NDUFA13: variants seen among roughly 807,000 people sequenced by gnomAD.
The protein encoded by NDUFA13 is NADH dehydrogenase [ubiquinone] 1 alpha subcomplex subunit 13.
NDUFA13 carries 16 observed loss-of-function variants against 17.0 expected under a neutral mutation model. The observed-to-expected ratio is 0.94, with a 90% CI of 0.64 to 1.43. The LOEUF (loss-of-function observed/expected upper bound fraction) is 1.43. NDUFA13 is among the 40% of genes most tolerant of loss of function. The pLI, the probability that NDUFA13 is intolerant of heterozygous loss-of-function variation, is 0.00. For synonymous variants in NDUFA13, 87 were observed against 78.4 expected, an observed-to-expected ratio of 1.11 and a Z score of -0.58; for missense variants, 228 against 206.7, an observed-to-expected ratio of 1.10 and a Z score of -0.63.
In NDUFA13 at chr19:19,527,752, G is replaced by A. The variant is rs1218074377; in HGVS notation, c.297G>A (p.Lys99=). Residue 99 remains lysine, a synonymous_variant, in exon 4 of 5, where the codon AAG becomes AAA. Transcript: ENST00000507754. ...ENLEEEAIIM[K]DVPDWKVGES... Reference sequence around the variant, plus strand: ...TGGAGGAGGAGGCCATCATCATGAAGGACGTGCCCGACTGGAAGGTGGGTC... The same window carrying A: ...TGGAGGAGGAGGCCATCATCATGAAAGACGTGCCCGACTGGAAGGTGGGTC... 6.4e-7 allele frequency: 1 copy of A among 1,552,948 alleles called. No individual in the cohort carries two copies. Among genetic ancestry groups the A allele is most frequent in the Admixed American group, 2.0e-5 (1 of 51,068 alleles).
At chr19:19,525,682 TG>T (rs1448710548) in intron 1 of NDUFA13, among the ~76,000 whole-genome samples, 1 of 152,140 alleles carries the variant, frequency 6.6e-6, no homozygotes, top group Non-Finnish European at 1.5e-5. Flanking sequence ...ATATTCATGA[TG>T]GCCTAGGTCC....
At chr19:19,524,772 C>A (rs1160676379) in intron 1 of NDUFA13, among the ~76,000 whole-genome samples, 2 of 151,978 alleles carry the variant, frequency 1.3e-5, no homozygotes, top group African/African-American at 4.8e-5. Flanking sequence ...TGCCACTGCA[C>A]CCCAGCCAGG....
chr19:19,521,995 C>CA (rs35725238), intron 1 of NDUFA13, among the ~76,000 whole-genome samples: 9 of 151,904 alleles, frequency 5.9e-5, no homozygotes. Context: ...ATTTACAGCA[C>CA]AAAAGTTTTT....
chr19:19,525,761 C>T (rs2061096712), intron 1 of NDUFA13, among the ~76,000 whole-genome samples: 1 of 148,798 alleles, frequency 6.7e-6, no homozygotes, highest in South Asian at 2.1e-4. Flanking sequence ...CCCCTAGAGT[C>T]CGGGGGGTGG....
chr19:19,527,839 C>T, intron 4 of NDUFA13, 69 bp downstream of exon 4: 1 of 1,515,270 alleles, frequency 6.6e-7, no homozygotes, highest in Non-Finnish European at 9.0e-7. Flanking sequence ...GGGGAGCTCC[C>T]ACAGCTTTCT....
chr19:19,516,389 G>GGGTTCCGGGGACAC, intron 1 of NDUFA13, 57 bp downstream of exon 1: 1 of 1,582,574 alleles, frequency 6.3e-7, no homozygotes, highest in Non-Finnish European at 8.6e-7. Flanking sequence ...CTCGGGGGCG[G>GGGTTCCGGGGACAC]GGTTCCGGGG....
chr19:19,523,380 A>G (rs1219110989), intron 1 of NDUFA13, among the ~76,000 whole-genome samples: 1 of 152,224 alleles, frequency 6.6e-6, no homozygotes, highest in Non-Finnish European at 1.5e-5. Flanking sequence ...GCTTGAGGCC[A>G]GGAGTTCAAG....
Position 19,528,031 on chromosome 19 carries a change from ACCCGCTGGGTGC to A in NDUFA13, c.344_355del (p.Arg115_Pro118del). ...GGTGGGGGAGTCTGTGTTCCACACA[ACCCGCTGGGTGC>A]CCCCCTTGATCGGGGAGCTGTACGG... On this transcript the variant is annotated inframe_deletion, in exon 5 of 5. Transcript: ENST00000507754. 6.2e-7 allele frequency: 1 copy of A among 1,612,468 alleles called. No individual in the cohort carries two copies.
At chr19:19,526,116 G>GC in intron 1 of NDUFA13, 66 bp from the exon 2 acceptor site, 1 of 1,590,728 alleles carries the variant, frequency 6.3e-7, no homozygotes, top group Non-Finnish European at 8.5e-7. Context: ...AGTGGGCAGC[G>GC]CCTGGAGCTG....
intron 1 of NDUFA13, among the ~76,000 whole-genome samples, chr19:19,525,428 T>C (rs1465939571): frequency 6.6e-6 from 1 of 152,210 alleles, no homozygotes; most frequent in Non-Finnish European, 1.5e-5. Context: ...GGCCTGGAGA[T>C]GGCCTTGCCT....
chr19:19,525,957 GC>G, intron 1 of NDUFA13: 16 of 1,365,880 alleles, frequency 1.2e-5, no homozygotes, highest in South Asian at 3.0e-5. Context: ...TGGACCTGGG[GC>G]CCCCCTAGCA....
At chr19:19,525,458 C>A (rs994649626) in intron 1 of NDUFA13, among the ~76,000 whole-genome samples, 8 of 152,212 alleles carry the variant, frequency 5.3e-5, no homozygotes, top group African/African-American at 1.9e-4. Context: ...TGGTCATTTC[C>A]TGGGTGTTGA....
In NDUFA13 at chr19:19,526,280, TTG is replaced by T; in HGVS notation, c.173+22_173+23del. ...GCGCAGGTAGGGCCCCTGGTGGGCG[TTG>T]TCTGAAAGTGCCCCCCCGGCGAGTT... On this transcript the variant is annotated intron_variant, in intron 2 of 4. Coordinates refer to ENST00000507754, the MANE Select transcript of NDUFA13 (RefSeq NM_015965.7). The T allele has an allele frequency of 6.2e-7, 1 of 1,613,388 alleles. No individual in the cohort carries two copies. Among genetic ancestry groups the T allele is most frequent in the Non-Finnish European group, 8.5e-7 (1 of 1,179,638 alleles).
At chr19:19,517,139 A>G (rs1164427611) in intron 1 of NDUFA13, among the ~76,000 whole-genome samples, 1 of 152,228 alleles carries the variant, frequency 6.6e-6, no homozygotes. Context: ...CGGGCTCAGC[A>G]CAGAAAATTG....
intron 2 of NDUFA13, 118 bp downstream of exon 2, chr19:19,526,378 T>C: frequency 8.9e-7 from 1 of 1,118,842 alleles, no homozygotes; most frequent in East Asian, 2.6e-5. Flanking sequence ...GACTTGGCTG[T>C]GCAATCCCAG....
At chr19:19,526,085 G>A (rs754735407) in intron 1 of NDUFA13, 97 bp from the exon 2 acceptor site, 43 of 1,555,940 alleles carry the variant, frequency 2.8e-5, no homozygotes, top group East Asian at 2.7e-4. Context: ...CTGAGAAGCC[G>A]CCAGTGTCCC....
In NDUFA13 at chr19:19,528,026, A is replaced by G; in HGVS notation, c.335A>G (p.His112Arg). ...CCACAGGTGGGGGAGTCTGTGTTCC[A>G]CACAACCCGCTGGGTGCCCCCCTTG... is the stretch of plus-strand genomic sequence containing the variant. ...PDWKVGESVF[H>R]TTRWVPPLIG... Residue 112 changes from histidine to arginine, a missense_variant, in exon 5 of 5, where the codon CAC becomes CGC. Physicochemically the swap from His to Arg is conservative, Grantham distance 29. Transcript: ENST00000507754. 6 of 1,612,596 alleles carry G rather than the reference A, an allele frequency of 3.7e-6. No individual in the cohort carries two copies. Among genetic ancestry groups the G allele is most frequent in the Non-Finnish European group, 5.1e-6 (6 of 1,179,920 alleles).
At chr19:19,522,668 CAG>C (rs1392233762) in intron 1 of NDUFA13, among the ~76,000 whole-genome samples, 1 of 151,912 alleles carries the variant, frequency 6.6e-6, no homozygotes, top group African/African-American at 2.4e-5. Context: ...TTAGTAGAGA[CAG>C]GGTTTCACCG....
intron 1 of NDUFA13, among the ~76,000 whole-genome samples, chr19:19,524,929 C>G (rs972542231): frequency 6.6e-6 from 1 of 152,114 alleles, no homozygotes; most frequent in Non-Finnish European, 1.5e-5. Flanking sequence ...CCCAGTTACT[C>G]GGGAGGCTAA....
Sources: allele counts gnomAD v4.1 joint callset (sites outside exome capture counted in the v4.1 genomes callset), GRCh38; gene constraint gnomAD v4.1.1; transcripts MANE v1.5; gene names NCBI Gene and HGNC (gene_info 2026-07-23, HGNC 2026-07-21).